ARHGAP40: variants seen among roughly 807,000 people sequenced by gnomAD.
The protein encoded by ARHGAP40 is Rho GTPase activating protein 40.
Under a neutral mutation model 73.5 loss-of-function variants are expected in ARHGAP40, and 43 were observed. That is an observed-to-expected ratio of 0.58 (90% CI 0.46 to 0.75). The LOEUF is 0.75. Ranked by LOEUF, ARHGAP40 falls within the 30% of genes least tolerant of loss-of-function variation. ARHGAP40 has a pLI of 0.00. For missense variants in ARHGAP40, 734 were observed against 861.8 expected (o/e 0.85, Z 1.86); for synonymous variants, 300 against 352.8 (o/e 0.85, Z 1.68).
chr20:38,647,063 A>C lies in ARHGAP40; in HGVS notation c.1817A>C (p.Glu606Ala), dbSNP rs1466632954. ...GCCCACGTCCTGAGGCAGTTCACAG[A>C]GCACCTCAGCCCTGGTTCCAAGGGT... is the stretch of plus-strand genomic sequence containing the variant. Residue 606 changes from glutamate (E) to alanine (A), a missense_variant, in exon 13 of 15, where the codon GAG becomes GCG. By Grantham distance (107) the Glu-to-Ala change is moderately radical. Coordinates refer to ENST00000373345, the Ensembl canonical transcript of ARHGAP40. 2.3e-6 allele frequency: 3 copies of C among 1,305,244 alleles called. No individual in the cohort carries two copies. In the African/African-American group the frequency reaches 4.6e-5, roughly 20 times the overall value. 80.9% of individuals were successfully genotyped at this position (1,305,244 alleles called of 1,614,324 possible).
chr20:38,610,175 G>C (rs1453720383), intron 1 of ARHGAP40, among the ~76,000 whole-genome samples: 7 of 151,446 alleles, frequency 4.6e-5, no homozygotes, highest in East Asian at 3.9e-4. Context: ...ATGCATCTCT[G>C]TGTGTGTGTG....
chr20:38,612,563 G>A (rs560839110), intron 1 of ARHGAP40, among the ~76,000 whole-genome samples: 9 of 152,174 alleles, frequency 5.9e-5, no homozygotes, highest in South Asian at 2.1e-4. Context: ...AATTCCAGCC[G>A]GGAGGCTGAG....
chr20:38,607,278 G>T (rs1013845090), intron 1 of ARHGAP40, among the ~76,000 whole-genome samples: 1 of 152,078 alleles, frequency 6.6e-6, no homozygotes, highest in Admixed American at 6.5e-5. Flanking sequence ...ATTTCTCTGG[G>T]CCTGATCCTT....
rs958340477 is a variant in ARHGAP40 at position 38,646,612 on chromosome 20, T to C, written c.1711-345T>C. Among the ~76,000 whole-genome samples, 2 of 152,076 alleles carry C rather than the reference T, an allele frequency of 1.3e-5. No individual in the cohort carries two copies. Among genetic ancestry groups the C allele is most frequent in the Non-Finnish European group, 2.9e-5 (2 of 68,026 alleles). On this transcript the variant is annotated intron_variant, in intron 12 of 14. Transcript: ENST00000373345. This position sits in a 1 kb window ranked among gnomAD's most constrained non-coding sequence, Gnocchi z 4.5. ...CTTATTAAAGTCCCGATTAGAGAAATTGATGAGCGTTGAGGCTGCACCGTG... is the reference window on the plus strand; with the variant it reads ...CTTATTAAAGTCCCGATTAGAGAAACTGATGAGCGTTGAGGCTGCACCGTG...
intron 1 of ARHGAP40, among the ~76,000 whole-genome samples, chr20:38,607,857 C>T (rs548241232): frequency 6.6e-6 from 1 of 152,222 alleles, no homozygotes; most frequent in Non-Finnish European, 1.5e-5. Context: ...CATCTTTTCA[C>T]ATAGGGCATT....
At chr20:38,614,913 C>A (rs1158000133) in intron 1 of ARHGAP40, 1 of 1,360,980 alleles carries the variant, frequency 7.3e-7, no homozygotes, top group Non-Finnish European at 1.1e-6. Context: ...AGGCCTTTCT[C>A]TAGAAGTCCT....
chr20:38,650,381 C>T (rs780007882), exon 15 of ARHGAP40: 1 of 471,278 alleles, frequency 2.1e-6, no homozygotes, highest in Non-Finnish European at 4.4e-6. Context: ...TGTGTAGTAG[C>T]AGCAGCACCA....
intron 1 of ARHGAP40, among the ~76,000 whole-genome samples, chr20:38,612,650 A>G (rs2088810747): frequency 6.6e-6 from 1 of 152,140 alleles, no homozygotes; most frequent in Admixed American, 6.5e-5. Flanking sequence ...AACCTGGGCG[A>G]AAGAGTGGGA....
intron 9 of ARHGAP40, among the ~76,000 whole-genome samples, chr20:38,641,157 G>A (rs905105477): frequency 2.0e-5 from 3 of 152,138 alleles, no homozygotes; most frequent in African/African-American, 7.2e-5. Context: ...CGCCCAGGGT[G>A]CTCAGCCTCT....
Position 38,637,409 on chromosome 20 carries a change from A to G in ARHGAP40, c.950-299A>G, listed in dbSNP as rs548231776. Among the ~76,000 whole-genome samples, 4 of 152,166 alleles carry G rather than the reference A, an allele frequency of 2.6e-5. No homozygotes were observed. The South Asian group carries it at 6.2e-4, about 24-fold the overall frequency. ...GGTGATCCGCCTGTCTCAGCCTCCCAAAGTGCTGGGATTACAGGCTTGAGC... is the reference window on the plus strand; with the variant it reads ...GGTGATCCGCCTGTCTCAGCCTCCCGAAGTGCTGGGATTACAGGCTTGAGC... On this transcript the variant is annotated intron_variant, in intron 6 of 14. Coordinates refer to ENST00000373345, the Ensembl canonical transcript of ARHGAP40.
At chr20:38,616,301 G>A (rs566948102) in intron 1 of ARHGAP40, among the ~76,000 whole-genome samples, 73 of 152,324 alleles carry the variant, frequency 4.8e-4, no homozygotes, top group African/African-American at 1.6e-3. Flanking sequence ...CCCCACTGGG[G>A]ACAATCTCAA....
chr20:38,612,169 A>T (rs1031997898), intron 1 of ARHGAP40, among the ~76,000 whole-genome samples: 1 of 152,264 alleles, frequency 6.6e-6, no homozygotes, highest in Non-Finnish European at 1.5e-5. Context: ...ATTTTCAAAT[A>T]TGAAGTCTTC....
chr20:38,626,763 C>T (rs894617212), intron 2 of ARHGAP40, among the ~76,000 whole-genome samples: 4 of 152,180 alleles, frequency 2.6e-5, no homozygotes, highest in South Asian at 2.1e-4. Flanking sequence ...TATGGGTTGA[C>T]ATCCATACAC....
intron 5 of ARHGAP40, among the ~76,000 whole-genome samples, chr20:38,632,425 CTAATTTTTTG>C (rs920785032): frequency 1.5e-3 from 226 of 152,034 alleles, no homozygotes; most frequent in African/African-American, 5.3e-3. Flanking sequence ...CCATGCCTGG[CTAATTTTTTG>C]TATATTTAGT....
intron 8 of ARHGAP40, 39 bp downstream of exon 8, chr20:38,638,877 T>G (rs1441992213): frequency 7.7e-7 from 1 of 1,290,504 alleles, no homozygotes; most frequent in Non-Finnish European, 1.0e-6. Flanking sequence ...AGGCTGCATC[T>G]CCCCCATGCT....
Position 38,641,822 on chromosome 20 carries a change from T to C in ARHGAP40, c.1362+14T>C, listed in dbSNP as rs977615056. On this transcript the variant is annotated intron_variant, in intron 10 of 14. Coordinates refer to ENST00000373345, the Ensembl canonical transcript of ARHGAP40. ...AATGCCTTAAAGGTAAGAGTTACCA[T>C]GCACCACCACCACTCTGCCATCTCA... 4 of 1,277,312 alleles carry C rather than the reference T, an allele frequency of 3.1e-6. No homozygotes were observed. The Admixed American group carries it at 8.1e-5, about 26-fold the overall frequency. The allele number at this position is 1,277,312 out of a possible 1,614,324, so 79.1% of individuals were successfully genotyped here. A position where few individuals can be genotyped will look rare whatever the true frequency, so the allele number is the denominator to read the frequency against.
Position 38,646,359 on chromosome 20 carries a change from C to A in ARHGAP40, c.1710+172C>A, listed in dbSNP as rs16987472. Among the ~76,000 whole-genome samples the A allele has an allele frequency of 0.026, 3,995 of 152,236 alleles. 169 individuals are homozygous for A. Among genetic ancestry groups the A allele is most frequent in the African/African-American group, 0.089 (3,715 of 41,536 alleles). On this transcript the variant is annotated intron_variant, in intron 12 of 14. Coordinates refer to ENST00000373345, the Ensembl canonical transcript of ARHGAP40. The surrounding 1 kb of genome is among the most constrained non-coding windows in gnomAD (Gnocchi z 4.5). ...CACGGGGAGCGAGGAGGCGTGGCTG[C>A]GAAACGAGGGCTTAGAAGCGGGTTG... is the stretch of plus-strand genomic sequence containing the variant.
exon 5 of ARHGAP40, chr20:38,629,565 C>A (rs991350364): frequency 1.5e-6 from 2 of 1,305,302 alleles, no homozygotes; most frequent in Non-Finnish European, 2.0e-6. Context: ...ATGGACTCTG[C>A]CTACTCAGAA....
chr20:38,640,061 G>A (rs1011565817), intron 9 of ARHGAP40, among the ~76,000 whole-genome samples: 2 of 152,048 alleles, frequency 1.3e-5, no homozygotes, highest in African/African-American at 2.4e-5. Flanking sequence ...TGATTCTCAC[G>A]ACCGCAGCGT....
Sources: allele counts gnomAD v4.1 joint callset (sites outside exome capture counted in the v4.1 genomes callset), GRCh38; gene constraint gnomAD v4.1.1; non-coding constraint Gnocchi (gnomAD v3.1); transcripts MANE v1.5; gene names NCBI Gene and HGNC (gene_info 2026-07-23, HGNC 2026-07-21).